The following KIAA0319 variants were observed in gnomAD, a reference collection of about 807,000 sequenced individuals.
The protein encoded by KIAA0319 is dyslexia-associated protein KIAA0319.
In KIAA0319, 83 loss-of-function variants were observed where a neutral mutation model predicts 108.4. The ratio of observed to expected loss-of-function variants is 0.77; its 90% confidence interval spans 0.64 to 0.92. The LOEUF (loss-of-function observed/expected upper bound fraction) is 0.92. Ranked by LOEUF, KIAA0319 falls within the 40% of genes least tolerant of loss-of-function variation. The pLI is 0.00. For missense variants in KIAA0319, 1,195 were observed against 1,322.4 expected (o/e 0.90, Z 1.49); for synonymous variants, 484 against 510.4 (o/e 0.95, Z 0.70).
chr6:24,579,202 C>G (rs1294579115), intron 8 of KIAA0319, among the ~76,000 whole-genome samples: 1 of 151,994 alleles, frequency 6.6e-6, no homozygotes, highest in Non-Finnish European at 1.5e-5. Context: ...TGTTTTCAAC[C>G]TATTCTTATT....
chr6:24,579,742 G>T (rs1335159279), intron 8 of KIAA0319, 116 bp downstream of exon 8: 1 of 714,062 alleles, frequency 1.4e-6, no homozygotes, highest in Non-Finnish European at 2.3e-6. Flanking sequence ...AGAAGGAGGT[G>T]ATCGTTTATC....
intron 7 of KIAA0319, among the ~76,000 whole-genome samples, chr6:24,580,441 T>C (rs1028258932): frequency 2.0e-5 from 3 of 151,196 alleles, no homozygotes; most frequent in Non-Finnish European, 1.5e-5. Context: ...GAGGGGTTGG[T>C]GGAGGCTGAA....
At chr6:24,559,223 C>G (rs1349759738) in intron 16 of KIAA0319, 68 bp from the exon 17 acceptor site, 1 of 1,552,614 alleles carries the variant, frequency 6.4e-7, no homozygotes, top group East Asian at 2.3e-5. Context: ...ACGCCCACCA[C>G]AGCATCTGAC....
At chr6:24,645,402 G>A (rs79579320) in intron 1 of KIAA0319, among the ~76,000 whole-genome samples, 2,097 of 152,298 alleles carry the variant, frequency 0.014, 22 homozygotes, top group Non-Finnish European at 0.02. Flanking sequence ...TCAGGTTATG[G>A]TAAGGAACAG....
intron 20 of KIAA0319, among the ~76,000 whole-genome samples, chr6:24,548,730 T>G (rs1056986634): frequency 4.6e-5 from 7 of 152,126 alleles, no homozygotes; most frequent in African/African-American, 7.2e-5. Flanking sequence ...TAGGAAATAA[T>G]GAAGGAGAGA....
intron 2 of KIAA0319, chr6:24,598,470 A>G (rs1406961306): frequency 3.9e-6 from 2 of 513,602 alleles, no homozygotes; most frequent in East Asian, 9.0e-5. Flanking sequence ...ACATCAACCT[A>G]TGGCAGCAGC....
At chr6:24,619,195 C>A (rs1231695765) in intron 1 of KIAA0319, among the ~76,000 whole-genome samples, 1 of 152,136 alleles carries the variant, frequency 6.6e-6, no homozygotes, top group African/African-American at 2.4e-5. Context: ...CACCATGAAA[C>A]TGGAAATGTT....
chr6:24,601,814 A>T (rs1419507010), intron 1 of KIAA0319, among the ~76,000 whole-genome samples: 1 of 152,178 alleles, frequency 6.6e-6, no homozygotes, highest in Non-Finnish European at 1.5e-5. Flanking sequence ...GTTTATAGAG[A>T]TAGCAATCTG....
intron 16 of KIAA0319, among the ~76,000 whole-genome samples, chr6:24,560,392 A>T (rs145984141): frequency 2.6e-5 from 4 of 152,314 alleles, no homozygotes; most frequent in African/African-American, 9.6e-5. Context: ...GATTCTAGCC[A>T]TCCTAGCAGG....
At chr6:24,618,496 C>G (rs1434865803) in intron 1 of KIAA0319, among the ~76,000 whole-genome samples, 1 of 151,886 alleles carries the variant, frequency 6.6e-6, no homozygotes, top group Non-Finnish European at 1.5e-5. Context: ...CACTTGTAGT[C>G]CCTGCTACTC....
chr6:24,586,788 T>C (rs1767565885), intron 4 of KIAA0319, among the ~76,000 whole-genome samples: 1 of 152,196 alleles, frequency 6.6e-6, no homozygotes, highest in South Asian at 2.1e-4. Flanking sequence ...GCCTAGAACT[T>C]AGAAGGGTAG....
At chr6:24,569,117 C>T (rs1490842450) in intron 12 of KIAA0319, among the ~76,000 whole-genome samples, 188 bp from the exon 13 acceptor site, 2 of 152,206 alleles carry the variant, frequency 1.3e-5, no homozygotes, top group Non-Finnish European at 2.9e-5. Flanking sequence ...AAACCTATCT[C>T]AGGCAGAGTC....
chr6:24,623,493 A>G (rs1422938516), intron 1 of KIAA0319, among the ~76,000 whole-genome samples: 3 of 152,208 alleles, frequency 2.0e-5, no homozygotes, highest in Non-Finnish European at 4.4e-5. Flanking sequence ...ATAAAAGTTA[A>G]GAACTCCAAA....
intron 8 of KIAA0319, among the ~76,000 whole-genome samples, chr6:24,579,136 A>T (rs1765971511): frequency 6.6e-6 from 1 of 152,182 alleles, no homozygotes; most frequent in Non-Finnish European, 1.5e-5. Flanking sequence ...GATTAAATGT[A>T]CATAAAATGC....
rs1676768489 is a variant in KIAA0319, at chr6:24,544,277, G to A, written c.*2888C>T. Reference sequence around the variant, plus strand: ...CACAGTTTGCTGACCTATACTCAAGGGAAATCCCTCTACCCTGAAGCATAA... The same window carrying A: ...CACAGTTTGCTGACCTATACTCAAGAGAAATCCCTCTACCCTGAAGCATAA... On this transcript the variant is annotated 3_prime_UTR_variant, in exon 21 of 21. Transcript: ENST00000378214. The A allele has an allele frequency of 6.6e-6, 1 of 152,050 alleles. No homozygotes were observed. The highest frequency in any genetic ancestry group is 2.1e-4 in the South Asian group (1 of 4,814). 9.4% of individuals were successfully genotyped at this position (152,050 alleles called of 1,614,324 possible).
At chr6:24,644,248 G>T (rs944227727) in intron 1 of KIAA0319, among the ~76,000 whole-genome samples, 3 of 14,610 alleles carry the variant, frequency 2.1e-4, no homozygotes, top group African/African-American at 1.8e-3. Context: ...CAGGGGAGAG[G>T]GGGGGGTTCC....
chr6:24,556,813 A>C, intron 17 of KIAA0319, 84 bp from the exon 18 acceptor site: 1 of 1,454,160 alleles, frequency 6.9e-7, no homozygotes, highest in Non-Finnish European at 9.2e-7. Context: ...TCAGTAGCAT[A>C]GGTCCCAAAT....
At chr6:24,584,176 G>C (rs1384623297) in intron 4 of KIAA0319, among the ~76,000 whole-genome samples, 2 of 151,916 alleles carry the variant, frequency 1.3e-5, no homozygotes, top group Admixed American at 6.6e-5. Context: ...CTTGTACTTG[G>C]AACCTTTCCA....
At chr6:24,613,870 G>A (rs1275702774) in intron 1 of KIAA0319, among the ~76,000 whole-genome samples, 1 of 152,126 alleles carries the variant, frequency 6.6e-6, no homozygotes, top group Non-Finnish European at 1.5e-5. Flanking sequence ...CTGGGGCTGA[G>A]TGTATGAAAA....
Sources: allele counts gnomAD v4.1 joint callset (sites outside exome capture counted in the v4.1 genomes callset), GRCh38; gene constraint gnomAD v4.1.1; transcripts MANE v1.5; gene names NCBI Gene and HGNC (gene_info 2026-07-23, HGNC 2026-07-21).